NTRK2: variants seen among roughly 807,000 people sequenced by gnomAD.
NTRK2 encodes neurotrophic receptor tyrosine kinase 2.
A neutral mutation model predicts 94.5 loss-of-function variants in NTRK2; 13 were observed. The ratio of observed to expected loss-of-function variants is 0.14; its 90% CI spans 0.09 to 0.22. The LOEUF (loss-of-function observed/expected upper bound fraction) is 0.22, where lower values mean the gene tolerates loss of function less well. Among genes scored for constraint, NTRK2 ranks in the 10% least tolerant of loss-of-function variants. The probability of loss-of-function intolerance (pLI) is 1.00; values close to 1 mark genes in which losing one functional copy is unlikely to be tolerated. For synonymous variants in NTRK2, 372 were observed against 407.4 expected, an observed-to-expected ratio of 0.91 and a Z score of 1.05; for missense variants, 639 against 1,071.2, an observed-to-expected ratio of 0.60 and a Z score of 5.63.
intron 12 of NTRK2, among the ~76,000 whole-genome samples, chr9:84,842,799 A>T (rs903678235): frequency 3.9e-5 from 6 of 152,188 alleles, no homozygotes; most frequent in African/African-American, 1.4e-4. Flanking sequence ...CATTTGGGAA[A>T]ACTAGACCCA....
At chr9:85,010,377 C>T (rs1250703855) in intron 17 of NTRK2, among the ~76,000 whole-genome samples, 1 of 152,204 alleles carries the variant, frequency 6.6e-6, no homozygotes, top group East Asian at 1.9e-4. Flanking sequence ...TCAAAGGGTG[C>T]AATGCCTTTG....
chr9:84,706,586 G>A (rs990799285), intron 4 of NTRK2, among the ~76,000 whole-genome samples: 7 of 138,424 alleles, frequency 5.1e-5, no homozygotes, highest in African/African-American at 1.9e-4. Flanking sequence ...CTGGAGTGCA[G>A]TGGCACAATC....
chr9:84,734,526 A>G (rs2063117540), intron 9 of NTRK2, among the ~76,000 whole-genome samples: 1 of 152,146 alleles, frequency 6.6e-6, no homozygotes. Context: ...TCCCCACACA[A>G]ATCTCATCTT....
At position 84,724,242 on chromosome 9, in the gene NTRK2, C is replaced by G. The variant is rs1240437124; in HGVS notation, c.739C>G (p.Gln247Glu). 10 of 1,614,136 alleles carry G rather than the reference C, an allele frequency of 6.2e-6. No individual in the cohort carries two copies. Among genetic ancestry groups the G allele is most frequent in the Non-Finnish European group, 7.6e-6 (9 of 1,179,964 alleles). Residue 247 changes from glutamine to glutamate, a missense_variant, in exon 8 of 19, where the codon CAG becomes GAG. Physicochemically the swap from Gln to Glu is conservative, Grantham distance 29. Around this residue, in one of 5 missense-constraint regions of NTRK2, gnomAD observed 343 missense variants for 571.5 expected, o/e 0.60. Transcript: ENST00000277120. ...TTTGTAGAATGAAACAAGCCACACA[C>G]AGGGCTCCTTAAGGATAACTAACAT... is the stretch of plus-strand genomic sequence containing the variant. Reference protein sequence around the residue: ...SKHMNETSHTQGSLRITNISS... With the variant: ...SKHMNETSHTEGSLRITNISS...
chr9:84,901,174 A>C (rs2076914984), intron 14 of NTRK2, among the ~76,000 whole-genome samples: 2 of 112,680 alleles, frequency 1.8e-5, no homozygotes, highest in Admixed American at 2.0e-4. Context: ...TACAACTTTC[A>C]TTTTATTTTG....
At chr9:84,819,691 C>A (rs2072660244) in intron 12 of NTRK2, among the ~76,000 whole-genome samples, 1 of 152,228 alleles carries the variant, frequency 6.6e-6, no homozygotes, top group Non-Finnish European at 1.5e-5. Context: ...GAGGCGCCAG[C>A]CTTAAACAGG....
At chr9:84,814,550 C>T (rs2133610123) in intron 12 of NTRK2, 1 of 1,065,828 alleles carries the variant, frequency 9.4e-7, no homozygotes, top group East Asian at 5.0e-5. Context: ...ACTTTTTATT[C>T]CTCCATTGCA....
intron 8 of NTRK2, among the ~76,000 whole-genome samples, chr9:84,726,277 A>G (rs2062449006): frequency 6.6e-6 from 1 of 152,230 alleles, no homozygotes; most frequent in South Asian, 2.1e-4. Flanking sequence ...ACTTGAGATC[A>G]GGAGTTCAAG....
chr9:84,909,724 T>C lies in NTRK2; in HGVS notation c.1634-24438T>C, dbSNP rs78378419. Among the ~76,000 whole-genome samples the C allele has an allele frequency of 4.8e-3, 738 of 152,308 alleles. 3 individuals carry two copies. The highest frequency in any genetic ancestry group is 0.017 in the African/African-American group (708 of 41,572). On this transcript the variant is annotated intron_variant, in intron 14 of 18. Transcript: ENST00000277120. ...CATGTGTTTGTCTTGCCATTGTTTA[T>C]ATATGGTGAAATGTCATCTCTTCAT...
At chr9:84,925,201 CT>C (rs562875058) in intron 14 of NTRK2, among the ~76,000 whole-genome samples, 314 of 141,120 alleles carry the variant, frequency 2.2e-3, no homozygotes, top group Non-Finnish European at 2.1e-3. Context: ...TTCTCTTCTT[CT>C]TTTTTTTTTT....
intron 16 of NTRK2, among the ~76,000 whole-genome samples, chr9:84,948,913 G>C (rs2078687359): frequency 6.6e-6 from 1 of 152,210 alleles, no homozygotes; most frequent in Non-Finnish European, 1.5e-5. Context: ...TGTGACATGG[G>C]CATTTGGGAT....
chr9:84,673,481 G>A (rs1389931356), intron 2 of NTRK2, among the ~76,000 whole-genome samples: 7 of 152,122 alleles, frequency 4.6e-5, no homozygotes, highest in Non-Finnish European at 1.0e-4. Context: ...GAAGTTACGT[G>A]CGTCTATTTT....
At chr9:84,827,118 T>C (rs1299660498) in intron 12 of NTRK2, among the ~76,000 whole-genome samples, 2 of 152,160 alleles carry the variant, frequency 1.3e-5, no homozygotes. Context: ...ACTTCAATGG[T>C]CCACATAGGT....
intron 10 of NTRK2, among the ~76,000 whole-genome samples, chr9:84,742,756 G>A (rs1413487555): frequency 6.8e-6 from 1 of 147,596 alleles, no homozygotes; most frequent in African/African-American, 2.5e-5. Context: ...TCTCAGGAAC[G>A]TGGAAAGAAA....
chr9:84,885,659 C>G (rs777402872), intron 14 of NTRK2, among the ~76,000 whole-genome samples: 6 of 152,066 alleles, frequency 3.9e-5, no homozygotes, highest in Non-Finnish European at 7.4e-5. Context: ...TTATTGGAAC[C>G]CAGTATTCAA....
Position 84,710,491 on chromosome 9 carries a change from A to G in NTRK2, c.429-146A>G, listed in dbSNP as rs116685975. 1.2e-3 allele frequency: 943 copies of G among 803,062 alleles called. 8 individuals are homozygous for G. The African/African-American group carries it at 0.014, about 12-fold the overall frequency. 49.7% of individuals were successfully genotyped at this position (803,062 alleles called of 1,614,324 possible). A position where few individuals can be genotyped will look rare whatever the true frequency, so the allele number is the denominator to read the frequency against. ...GTAAGTATCAGATAAATGAAGGAAT[A>G]ATAAGTACTGTCATGCTATGAAAGT... On this transcript the variant is annotated intron_variant, in intron 5 of 18. Coordinates refer to ENST00000277120, the MANE Select transcript of NTRK2 (RefSeq NM_006180.6).
At chr9:84,742,550 GA>G (rs2063727584) in intron 10 of NTRK2, among the ~76,000 whole-genome samples, 1 of 152,154 alleles carries the variant, frequency 6.6e-6, no homozygotes, top group African/African-American at 2.4e-5. Context: ...CTCAAGGAAA[GA>G]GAACTTCCCA....
chr9:84,792,992 C>T (rs1588634984), intron 12 of NTRK2, among the ~76,000 whole-genome samples: 1 of 152,128 alleles, frequency 6.6e-6, no homozygotes, highest in Non-Finnish European at 1.5e-5. Context: ...AGTATCATCA[C>T]CATCATCACC....
chr9:84,983,776 G>T (rs571975852), intron 17 of NTRK2, among the ~76,000 whole-genome samples: 1 of 152,276 alleles, frequency 6.6e-6, no homozygotes, highest in South Asian at 2.1e-4. Context: ...ATGGAGGGAC[G>T]CGATAGCTTT....
Sources: gnomAD v4.1 joint callset for allele counts (sites outside exome capture counted in the v4.1 genomes callset) on GRCh38, gnomAD v4.1.1 for gene constraint, gnomAD v4.1.1 regional missense constraint, MANE v1.5 for transcripts, NCBI Gene and HGNC (gene_info 2026-07-23, HGNC 2026-07-21) for gene names.